The following TRPM6 variants were observed in gnomAD, a reference collection of about 807,000 sequenced individuals.
The protein encoded by TRPM6 is channel kinase 2.
Under a neutral mutation model 247.6 loss-of-function variants are expected in TRPM6, and 111 were observed. The observed-to-expected ratio is 0.45, with a 90% confidence interval of 0.38 to 0.52. TRPM6 has a LOEUF of 0.52. TRPM6 is among the 20% of genes least tolerant of loss of function. The pLI, the probability that TRPM6 is intolerant of heterozygous loss-of-function variation, is 0.00. For synonymous variants in TRPM6, 892 were observed against 853.8 expected, an observed-to-expected ratio of 1.04 and a Z score of -0.78; for missense variants, 2,126 against 2,421.5, an observed-to-expected ratio of 0.88 and a Z score of 2.56.
intron 27 of TRPM6, 46 bp downstream of exon 27, chr9:74,761,650 A>T: frequency 8.4e-7 from 1 of 1,190,418 alleles, no homozygotes; most frequent in Non-Finnish European, 1.3e-6. Flanking sequence ...ATAGGCCACT[A>T]CCTTGACTGC....
At chr9:74,867,267 A>G (rs1830875330) in intron 1 of TRPM6, among the ~76,000 whole-genome samples, 2 of 152,216 alleles carry the variant, frequency 1.3e-5, no homozygotes, top group Admixed American at 6.5e-5. Flanking sequence ...CAAAAGGGCA[A>G]ATAGCATCTT....
chr9:74,812,760 T>G (rs1399535976), intron 11 of TRPM6, among the ~76,000 whole-genome samples: 1 of 151,994 alleles, frequency 6.6e-6, no homozygotes, highest in Non-Finnish European at 1.5e-5. Flanking sequence ...CATAGTGGCA[T>G]GCACCTGTGG....
At chr9:74,875,135 G>C in intron 1 of TRPM6, 1 of 398,970 alleles carries the variant, frequency 2.5e-6, no homozygotes, top group East Asian at 7.9e-5. Context: ...CACTAAATAA[G>C]TAAATAATTT....
At chr9:74,802,199 G>A (rs1828365021) in intron 15 of TRPM6, 24 bp from the exon 16 acceptor site, 1 of 1,607,706 alleles carries the variant, frequency 6.2e-7, no homozygotes, top group Non-Finnish European at 8.5e-7. Flanking sequence ...AAATAGGAAT[G>A]AGTTTTCAAA....
chr9:74,810,456 TA>T (rs1245899145), intron 13 of TRPM6, among the ~76,000 whole-genome samples: 1 of 152,160 alleles, frequency 6.6e-6, no homozygotes, highest in Non-Finnish European at 1.5e-5. Context: ...AGTCCTCCAA[TA>T]AGGATAACAC....
chr9:74,882,263 TG>T (rs1831387463), intron 1 of TRPM6, among the ~76,000 whole-genome samples: 1 of 152,104 alleles, frequency 6.6e-6, no homozygotes, highest in African/African-American at 2.4e-5. Flanking sequence ...AATGAGACCA[TG>T]TTAAACTAAA....
intron 37 of TRPM6, among the ~76,000 whole-genome samples, chr9:74,731,975 A>AT (rs905752780): frequency 1.3e-5 from 2 of 152,220 alleles, no homozygotes; most frequent in Non-Finnish European, 2.9e-5. Context: ...TTTGAGAACC[A>AT]TTTTTGCCAG....
chr9:74,761,799 C>G lies in TRPM6; in HGVS notation c.4682G>C (p.Gly1561Ala), dbSNP rs373655774. The change falls in exon 27 of 39, where the codon GGC becomes GCC. Residue 1561 changes from glycine to alanine, a missense_variant. Gly to Ala is a moderately conservative substitution (Grantham distance 60). This residue lies in a region of TRPM6 where 717 missense variants were observed against 715.9 expected (regional missense o/e 1.00). Coordinates refer to ENST00000360774, the MANE Select transcript of TRPM6 (RefSeq NM_017662.5). ...TGCTCCCTGCCCTATTTCTGAAGAG[C>G]CTGAAAGATCTGCAAGGAAATGGTC... ...MKICKIKNLS[G>A]SSEIGQGAWV... is the part of the protein sequence containing the mutation. The G allele has an allele frequency of 3.7e-6, 6 of 1,611,816 alleles. No individual in the cohort carries two copies. The highest frequency in any genetic ancestry group is 2.2e-5 in the South Asian group (2 of 91,014).
intron 3 of TRPM6, among the ~76,000 whole-genome samples, chr9:74,849,894 C>T (rs1384450015): frequency 6.6e-6 from 1 of 152,210 alleles, no homozygotes; most frequent in Non-Finnish European, 1.5e-5. Context: ...CCTTCCATTT[C>T]CTTTCATTGT....
At chr9:74,791,966 C>T (rs1252358453) in intron 19 of TRPM6, among the ~76,000 whole-genome samples, 1 of 152,106 alleles carries the variant, frequency 6.6e-6, no homozygotes, top group African/African-American at 2.4e-5. Context: ...ACCATGTTAC[C>T]CAGGATGGTC....
At chr9:74,773,041 C>T (rs947811775) in intron 24 of TRPM6, among the ~76,000 whole-genome samples, 2 of 152,040 alleles carry the variant, frequency 1.3e-5, no homozygotes, top group Non-Finnish European at 2.9e-5. Context: ...GTGGGAGAAA[C>T]ATTTGAACCC....
chr9:74,745,789 T>C (rs546493442), intron 31 of TRPM6, among the ~76,000 whole-genome samples: 194 of 152,310 alleles, frequency 1.3e-3, no homozygotes, highest in African/African-American at 4.5e-3. Flanking sequence ...GTTTGGACTT[T>C]GCTTTTGCAA....
chr9:74,828,058 A>G, intron 6 of TRPM6, 109 bp from the exon 7 acceptor site: 1 of 1,222,710 alleles, frequency 8.2e-7, no homozygotes, highest in Middle Eastern at 2.6e-4. Flanking sequence ...TCTAGTTTAA[A>G]AAGTACTACT....
In TRPM6 at chr9:74,816,698, G is replaced by A; in HGVS notation, c.1279C>T (p.His427Tyr). 1.2e-6 allele frequency: 2 copies of A among 1,614,000 alleles called. No individual in the cohort carries two copies. The highest frequency in any genetic ancestry group is 1.7e-6 in the Non-Finnish European group (2 of 1,179,952). Reference protein sequence around the residue: ...AWDRVDIAKKHILIYEQHWKP... With the variant: ...AWDRVDIAKKYILIYEQHWKP... ...CAGTGTTGTTCATAAATTAGGATAT[G>A]TTTCTTGGCAATGTCCACCCTGTCC... Residue 427 changes from histidine to tyrosine, a missense_variant, in exon 11 of 39, where the codon CAT becomes TAT. Physicochemically the swap from His to Tyr is moderately conservative, Grantham distance 83. Coordinates refer to ENST00000360774, the MANE Select transcript of TRPM6 (RefSeq NM_017662.5).
At position 74,739,362 on chromosome 9, in the gene TRPM6, C is replaced by T; in HGVS notation, c.5570+5G>A. 1 of 1,613,558 alleles carries T rather than the reference C, an allele frequency of 6.2e-7. No homozygotes were observed. Among genetic ancestry groups the T allele is most frequent in the South Asian group, 1.1e-5 (1 of 91,066 alleles). ...CAAAGGGCCAAGGTGCCAAGATTTTCTTACCTTGGTGTGTAGGGTATGGTT... is the reference window on the plus strand; with the variant it reads ...CAAAGGGCCAAGGTGCCAAGATTTTTTTACCTTGGTGTGTAGGGTATGGTT... On this transcript the variant is annotated splice_donor_5th_base_variant and intron_variant, in intron 35 of 38. Coordinates refer to ENST00000360774, the MANE Select transcript of TRPM6 (RefSeq NM_017662.5).
intron 17 of TRPM6, among the ~76,000 whole-genome samples, chr9:74,797,744 C>G (rs1160565938): frequency 1.3e-5 from 2 of 152,030 alleles, no homozygotes; most frequent in Admixed American, 6.6e-5. Flanking sequence ...GTATACTACA[C>G]TGTAATTATT....
intron 1 of TRPM6, among the ~76,000 whole-genome samples, chr9:74,886,668 A>G (rs114153995): frequency 6.6e-6 from 1 of 152,216 alleles, no homozygotes. Context: ...GATTACTGCC[A>G]GGATGAAATA....
chr9:74,777,421 T>G (rs1427375584), intron 23 of TRPM6, among the ~76,000 whole-genome samples: 2 of 152,196 alleles, frequency 1.3e-5, no homozygotes, highest in Non-Finnish European at 2.9e-5. Flanking sequence ...CGTGAGAAAT[T>G]TGTCCTATGC....
At chr9:74,789,312 GC>G (rs1268537287) in intron 19 of TRPM6, among the ~76,000 whole-genome samples, 1 of 152,086 alleles carries the variant, frequency 6.6e-6, no homozygotes, top group Non-Finnish European at 1.5e-5. Flanking sequence ...TCAGCACTCA[GC>G]ACTCTGCTTG....
Sources: allele counts gnomAD v4.1 joint callset (sites outside exome capture counted in the v4.1 genomes callset), GRCh38; gene constraint gnomAD v4.1.1; regional missense constraint gnomAD v4.1.1; transcripts MANE v1.5; gene names NCBI Gene and HGNC (gene_info 2026-07-23, HGNC 2026-07-21).